The following BLTP2 variants were observed in gnomAD, a reference collection of about 807,000 sequenced individuals.
BLTP2 encodes the protein bridge-like lipid transfer protein family member 2.
chr17:28,638,699 TG>T, the BLTP2 span: 1 of 1,009,866 alleles, frequency 9.9e-7, no homozygotes, highest in Non-Finnish European at 1.5e-6. Flanking sequence ...CTTCCTATCA[TG>T]GAACAGTTTC....
At chr17:28,626,391 T>TCAGA in the BLTP2 span, among the ~76,000 whole-genome samples, 1 of 152,208 alleles carries the variant, frequency 6.6e-6, no homozygotes, top group Non-Finnish European at 1.5e-5. Flanking sequence ...AAATATATAT[T>TCAGA]TGGTCTTCCC....
At chr17:28,616,553 G>T in the BLTP2 span, 1 of 1,613,990 alleles carries the variant, frequency 6.2e-7, no homozygotes, top group Non-Finnish European at 8.5e-7. This position sits in a 1 kb window ranked among gnomAD's most constrained non-coding sequence, Gnocchi z 4.8. Flanking sequence ...TCCTCGTTCT[G>T]AAGTCTCAGC....
the BLTP2 span, among the ~76,000 whole-genome samples, chr17:28,619,452 G>A: frequency 1.3e-5 from 2 of 151,406 alleles, no homozygotes; most frequent in African/African-American, 4.9e-5. Flanking sequence ...TCAACATAGT[G>A]AGACCACTTT....
At chr17:28,621,260 AC>A in the BLTP2 span, 5 of 1,482,544 alleles carry the variant, frequency 3.4e-6, no homozygotes, top group Non-Finnish European at 3.7e-6. Flanking sequence ...AACTCCAGAA[AC>A]ACTGCTTTCA....
chr17:28,641,501 A>G, the BLTP2 span, among the ~76,000 whole-genome samples: 3 of 152,148 alleles, frequency 2.0e-5, no homozygotes, highest in Non-Finnish European at 4.4e-5. Flanking sequence ...TTAGCCAGGC[A>G]TGGTGGCGGA....
chr17:28,640,066 C>T, the BLTP2 span: 6 of 1,603,268 alleles, frequency 3.7e-6, no homozygotes, highest in South Asian at 2.2e-5. Flanking sequence ...ATGTGGAATG[C>T]CATTCCTACT....
the BLTP2 span, chr17:28,615,813 G>A: frequency 6.2e-7 from 1 of 1,612,398 alleles, no homozygotes; most frequent in South Asian, 1.1e-5. Context: ...AAGAGGAGGG[G>A]GAGGGGAAAG....
the BLTP2 span, chr17:28,637,235 C>A: frequency 7.9e-7 from 1 of 1,262,134 alleles, no homozygotes; most frequent in South Asian, 1.2e-5. Context: ...AGTCCTCACT[C>A]GCCTTTCTCA....
At chr17:28,615,967 G>A in the BLTP2 span, 3 of 1,011,286 alleles carry the variant, frequency 3.0e-6, no homozygotes, top group African/African-American at 3.2e-5. Flanking sequence ...GAGGGGAGCA[G>A]AGGGAACAGC....
chr17:28,629,264 T>C, the BLTP2 span, among the ~76,000 whole-genome samples: 6 of 151,262 alleles, frequency 4.0e-5, no homozygotes, highest in Non-Finnish European at 8.8e-5. Flanking sequence ...AGACAGAATC[T>C]GGTTCTGTCT....
chr17:28,632,084 G>C, the BLTP2 span: 1 of 1,614,138 alleles, frequency 6.2e-7, no homozygotes, highest in Non-Finnish European at 8.5e-7. Flanking sequence ...TAGGAAAGTT[G>C]CTTGTAGTGC....
chr17:28,625,012 TAA>T, the BLTP2 span, among the ~76,000 whole-genome samples: 3 of 152,174 alleles, frequency 2.0e-5, no homozygotes, highest in Admixed American at 6.5e-5. Context: ...TACTTGTTTG[TAA>T]AAGAGTAACT....
At chr17:28,623,671 C>G in the BLTP2 span, 1 of 1,070,574 alleles carries the variant, frequency 9.3e-7, no homozygotes, top group Non-Finnish European at 1.4e-6. Context: ...AAGCTAGTAA[C>G]AGCAGGTTAC....
chr17:28,623,773 T>C, the BLTP2 span: 1 of 1,614,020 alleles, frequency 6.2e-7, no homozygotes, highest in Non-Finnish European at 8.5e-7. Flanking sequence ...TAACCAGAGC[T>C]GTCGGCCATC....
At chr17:28,644,314 T>G in the BLTP2 span, 1 of 998,586 alleles carries the variant, frequency 1.0e-6, no homozygotes, top group Admixed American at 2.4e-5. Context: ...TCTCCTTTCT[T>G]CCAAAGCACC....
chr17:28,617,916 A>G, the BLTP2 span, among the ~76,000 whole-genome samples: 1 of 139,564 alleles, frequency 7.2e-6, no homozygotes, highest in South Asian at 2.3e-4. Context: ...GGCACACACC[A>G]CCACACCCAA....
the BLTP2 span, among the ~76,000 whole-genome samples, chr17:28,641,624 GAGC>G: frequency 6.7e-6 from 1 of 150,006 alleles, no homozygotes; most frequent in Admixed American, 6.7e-5. Context: ...CTGGGTGACA[GAGC>G]AAGACTCCAT....
the BLTP2 span, chr17:28,638,627 G>A: frequency 6.2e-7 from 1 of 1,608,858 alleles, no homozygotes; most frequent in African/African-American, 1.3e-5. Context: ...TGGGAGCCAG[G>A]ATTTGGGGGA....
chr17:28,615,026 G>A, the BLTP2 span: 1 of 1,573,414 alleles, frequency 6.4e-7, no homozygotes, highest in Non-Finnish European at 8.6e-7. Flanking sequence ...GCCTGAGCCA[G>A]AGTCAGATCC....
Sources: gnomAD v4.1 joint callset for allele counts (sites outside exome capture counted in the v4.1 genomes callset) on GRCh38, gnomAD v4.1.1 for gene constraint, Gnocchi (gnomAD v3.1) non-coding constraint, MANE v1.5 for transcripts, NCBI Gene and HGNC (gene_info 2026-07-23, HGNC 2026-07-21) for gene names.